The following NUP37 variants were observed in gnomAD, a reference collection of about 807,000 sequenced individuals.
NUP37 encodes the protein nucleoporin Nup37.
Under a neutral mutation model 45.4 loss-of-function variants are expected in NUP37, and 33 were observed. The observed-to-expected ratio is 0.73, with a 90% CI of 0.55 to 0.97. The LOEUF (loss-of-function observed/expected upper bound fraction) is 0.97. Ranked by LOEUF, NUP37 falls within the 50% of genes least tolerant of loss-of-function variation. NUP37 has a pLI of 0.00. For missense variants in NUP37, 365 were observed against 389.7 expected, an observed-to-expected ratio of 0.94 and a Z score of 0.53; for synonymous variants, 127 against 130.7, an observed-to-expected ratio of 0.97 and a Z score of 0.19.
In NUP37 at chr12:102,118,487, T is replaced by C. The variant is rs1594405018; in HGVS notation, c.32A>G (p.Tyr11Cys). The C allele has an allele frequency of 1.9e-6, 3 of 1,609,950 alleles. No homozygotes were observed. Among genetic ancestry groups the C allele is most frequent in the Middle Eastern group, 1.7e-4 (1 of 6,046 alleles). The change falls in exon 2 of 10, where the codon TAC becomes TGC. Residue 11 changes from tyrosine to cysteine, a missense_variant. Coordinates refer to ENST00000552283, the MANE Select transcript of NUP37 (RefSeq NM_024057.4). MKQDASRNAA[Y>C]TVDCEDYVHV... is the part of the protein sequence containing the mutation. ...CACATAATCTTCACAATCCACAGTG[T>C]AGGCAGCATTTCTTGAGGCATCTTG...
At chr12:102,079,532 A>G (rs1234978024) in intron 6 of NUP37, among the ~76,000 whole-genome samples, 3 of 152,128 alleles carry the variant, frequency 2.0e-5, no homozygotes, top group African/African-American at 4.8e-5. Context: ...GCTTTTGAAA[A>G]TTGTGCTTCT....
chr12:102,113,790 T>C (rs956861572), intron 2 of NUP37, among the ~76,000 whole-genome samples: 5 of 152,204 alleles, frequency 3.3e-5, no homozygotes, highest in Non-Finnish European at 7.4e-5. Context: ...GAAGGCCTGA[T>C]CTAAGCATTC....
chr12:102,101,077 T>A lies in NUP37; in HGVS notation c.309A>T (p.Lys103Asn), dbSNP rs1879958593. The change falls in exon 4 of 10, where the codon AAA (lysine) becomes AAT (asparagine). Residue 103 changes from lysine to asparagine, a missense_variant. Physicochemically the swap from Lys to Asn is moderately conservative, Grantham distance 94. Transcript: ENST00000552283. ...GAAGATCTGAAGTAAATAATCTAATTTTCATATCAGCAGCTGAAGTACAAA... is the reference window on the plus strand; with the variant it reads ...GAAGATCTGAAGTAAATAATCTAATATTCATATCAGCAGCTGAAGTACAAA... ...IKFCTSAADM[K>N]IRLFTSDLQD... 7.7e-6 allele frequency: 12 copies of A among 1,566,732 alleles called. No individual in the cohort carries two copies. Among genetic ancestry groups the A allele is most frequent in the Non-Finnish European group, 1.0e-5 (12 of 1,152,942 alleles).
intron 2 of NUP37, among the ~76,000 whole-genome samples, chr12:102,113,737 A>G (rs1004865901): frequency 6.6e-5 from 10 of 152,210 alleles, no homozygotes; most frequent in African/African-American, 1.9e-4. Flanking sequence ...GTGAAACTTG[A>G]TATTTAATGA....
chr12:102,088,604 G>A (rs941009042), intron 5 of NUP37, among the ~76,000 whole-genome samples: 7 of 151,416 alleles, frequency 4.6e-5, no homozygotes, highest in African/African-American at 7.3e-5. Flanking sequence ...CATATGTTAC[G>A]TATTTTCTTG....
At chr12:102,117,694 TTTTTATTTAGTATA>T (rs147346307) in intron 2 of NUP37, among the ~76,000 whole-genome samples, 41,813 of 152,052 alleles carry the variant, frequency 0.27, 5,890 homozygotes, top group East Asian at 0.42. Context: ...CCTCTTGGAA[TTTTTATTTAGTATA>T]TTTACATATA....
At chr12:102,115,611 A>C (rs139659916) in intron 2 of NUP37, among the ~76,000 whole-genome samples, 2 of 152,354 alleles carry the variant, frequency 1.3e-5, no homozygotes, top group African/African-American at 4.8e-5. Flanking sequence ...AAATTTGACA[A>C]ATACACGACA....
intron 5 of NUP37, among the ~76,000 whole-genome samples, chr12:102,093,924 A>C (rs1054613849): frequency 6.6e-6 from 1 of 152,146 alleles, no homozygotes; most frequent in Admixed American, 6.5e-5. Context: ...GCATACAGAA[A>C]AGAACAAAGT....
intron 2 of NUP37, among the ~76,000 whole-genome samples, chr12:102,114,395 A>G (rs2136756814): frequency 6.6e-6 from 1 of 152,236 alleles, no homozygotes; most frequent in Admixed American, 6.5e-5. Context: ...TACCAGTGAA[A>G]CCTGTTTTCC....
chr12:102,111,060 G>A (rs2136753191), intron 3 of NUP37, among the ~76,000 whole-genome samples: 1 of 152,164 alleles, frequency 6.6e-6, no homozygotes, highest in African/African-American at 2.4e-5. Flanking sequence ...AAACTGTATT[G>A]GTACCTATTT....
At chr12:102,108,879 A>G (rs1880233049) in intron 3 of NUP37, among the ~76,000 whole-genome samples, 1 of 152,236 alleles carries the variant, frequency 6.6e-6, no homozygotes, top group Admixed American at 6.5e-5. Flanking sequence ...AAACAGATAA[A>G]AGCTATTTTG....
chr12:102,080,782 T>C (rs1401726355), intron 6 of NUP37, among the ~76,000 whole-genome samples: 1 of 152,188 alleles, frequency 6.6e-6, no homozygotes, highest in African/African-American at 2.4e-5. Context: ...TGGTGAGTGG[T>C]CTAGTGTGCT....
intron 3 of NUP37, among the ~76,000 whole-genome samples, chr12:102,107,188 A>C (rs1268215132): frequency 6.6e-6 from 1 of 152,210 alleles, no homozygotes; most frequent in Non-Finnish European, 1.5e-5. Flanking sequence ...GGTATGCAAC[A>C]GGGCCTAGAC....
chr12:102,091,490 T>G (rs1048852066), intron 5 of NUP37, among the ~76,000 whole-genome samples: 3 of 148,350 alleles, frequency 2.0e-5, no homozygotes, highest in South Asian at 2.1e-4. Flanking sequence ...TATGAAAAGA[T>G]GATAGACCAT....
chr12:102,107,329 A>G (rs561925978), intron 3 of NUP37, among the ~76,000 whole-genome samples: 1 of 152,294 alleles, frequency 6.6e-6, no homozygotes, highest in South Asian at 2.1e-4. Flanking sequence ...ACTTTGCCCA[A>G]TTTAGTTCAA....
chr12:102,075,163 GCTTTTTCTTTTT>G lies in NUP37; in HGVS notation c.774-81_774-70del, dbSNP rs144377635. 1.9e-5 allele frequency: 19 copies of G among 997,740 alleles called. No individual in the cohort carries two copies. The African/African-American group carries it at 2.7e-4, about 14-fold the overall frequency. 61.8% of individuals were successfully genotyped at this position (997,740 alleles called of 1,614,324 possible). ...ATAATGACAAGCTTTTCTGAAGCGG[GCTTTTTCTTTTT>G]CTTTTTCTTTTTTTTTAAGAGACAG... On this transcript the variant is annotated intron_variant, in intron 8 of 9. Coordinates refer to ENST00000552283, the MANE Select transcript of NUP37 (RefSeq NM_024057.4).
intron 8 of NUP37, among the ~76,000 whole-genome samples, chr12:102,076,523 C>T (rs1565827310): frequency 6.6e-6 from 1 of 152,158 alleles, no homozygotes; most frequent in Non-Finnish European, 1.5e-5. Flanking sequence ...ACAGAACAAT[C>T]AGGAAGCATA....
At chr12:102,092,767 TAA>T (rs1260598035) in intron 5 of NUP37, among the ~76,000 whole-genome samples, 2 of 152,124 alleles carry the variant, frequency 1.3e-5, no homozygotes, top group African/African-American at 2.4e-5. Flanking sequence ...AGTTGGTAAA[TAA>T]AGTTTTGTCA....
intron 5 of NUP37, 61 bp from the exon 6 acceptor site, chr12:102,085,917 A>T: frequency 1.3e-6 from 1 of 742,612 alleles, no homozygotes; most frequent in Non-Finnish European, 2.2e-6. Flanking sequence ...TAAAAAATTA[A>T]ATTTCCATGA....
Sources: gnomAD v4.1 joint callset for allele counts (sites outside exome capture counted in the v4.1 genomes callset) on GRCh38, gnomAD v4.1.1 for gene constraint, MANE v1.5 for transcripts, NCBI Gene and HGNC (gene_info 2026-07-23, HGNC 2026-07-21) for gene names.